The following SP3 variants were observed in gnomAD, a reference collection of about 807,000 sequenced individuals.
SP3 encodes transcription factor Sp3.
In SP3, 10 loss-of-function variants were observed where a neutral mutation model predicts 70.3. The observed-to-expected ratio is 0.14, with a 90% confidence interval of 0.09 to 0.24. The LOEUF (loss-of-function observed/expected upper bound fraction) is 0.24, where lower values mean the gene tolerates loss of function less well. SP3 is among the 10% of genes least tolerant of loss of function. The pLI, the probability that SP3 is intolerant of heterozygous loss-of-function variation, is 1.00. For missense variants in SP3, 825 were observed against 914.6 expected (o/e 0.90, Z 1.26); for synonymous variants, 402 against 333.5 (o/e 1.21, Z -2.24).
intron 4 of SP3, among the ~76,000 whole-genome samples, chr2:173,920,289 G>A (rs958048713): frequency 2.0e-5 from 3 of 152,200 alleles, no homozygotes; most frequent in South Asian, 2.1e-4. Flanking sequence ...GGGATGAATA[G>A]GCACAGCACA....
intron 4 of SP3, among the ~76,000 whole-genome samples, chr2:173,937,775 C>G (rs1381982939): frequency 6.6e-6 from 1 of 152,104 alleles, no homozygotes; most frequent in Admixed American, 6.5e-5. Context: ...GTACCCAACA[C>G]CCAAATTCCA....
intron 4 of SP3, among the ~76,000 whole-genome samples, chr2:173,921,587 T>C (rs1030710153): frequency 6.6e-6 from 1 of 152,282 alleles, no homozygotes; most frequent in South Asian, 2.1e-4. Flanking sequence ...TGGTGGCACA[T>C]GCCTTGTGGT....
chr2:173,942,263 C>CA (rs1364292200), intron 4 of SP3, among the ~76,000 whole-genome samples: 1 of 152,132 alleles, frequency 6.6e-6, no homozygotes, highest in Non-Finnish European at 1.5e-5. Context: ...ACAATGCAGT[C>CA]AAAAGTTGGG....
Position 173,963,293 on chromosome 2 carries a change from C to T in SP3, c.279+468G>A, listed in dbSNP as rs888778604. ...ACAAAAGGGTAATTCAAAGAATAAA[C>T]CCTCATTTTTTTTAATAATGTATGA... On this transcript the variant is annotated intron_variant, in intron 3 of 6. Transcript: ENST00000310015. The T allele has an allele frequency of 2.6e-5, 4 of 152,022 alleles. No homozygotes were observed. In the East Asian group the frequency reaches 7.7e-4, roughly 29 times the overall value. The allele number at this position is 152,022 out of a possible 1,614,324, so 9.4% of individuals were successfully genotyped here. A position where few individuals can be genotyped will look rare whatever the true frequency, so the allele number is the denominator to read the frequency against.
intron 4 of SP3, among the ~76,000 whole-genome samples, chr2:173,935,434 C>T (rs1380131398): frequency 2.0e-4 from 31 of 152,168 alleles, no homozygotes; most frequent in Non-Finnish European, 4.4e-5. Context: ...ACCAAACTAT[C>T]TGAGTGCAAA....
intron 4 of SP3, among the ~76,000 whole-genome samples, chr2:173,950,846 T>A (rs1194835082): frequency 6.6e-6 from 1 of 152,166 alleles, no homozygotes; most frequent in Non-Finnish European, 1.5e-5. Flanking sequence ...AAAGTTTATA[T>A]CCTCAAAATG....
chr2:173,953,793 A>AC (rs1690793271), intron 4 of SP3, among the ~76,000 whole-genome samples: 1 of 151,994 alleles, frequency 6.6e-6, no homozygotes, highest in African/African-American at 2.4e-5. Flanking sequence ...ACAAAAAAAA[A>AC]AACAACTACT....
chr2:173,956,351 T>C, intron 3 of SP3, 119 bp from the exon 4 acceptor site: 1 of 1,065,322 alleles, frequency 9.4e-7, no homozygotes, highest in Non-Finnish European at 1.3e-6. Context: ...TAAAACACAA[T>C]GGAGTTCAAA....
At chr2:173,964,684 C>CCGGCGGCGGCGG (rs1174348131) in intron 1 of SP3, 131 bp from the exon 2 acceptor site, 17 of 378,578 alleles carry the variant, frequency 4.5e-5, no homozygotes, top group African/African-American at 1.1e-4. Flanking sequence ...CACCCGCCCC[C>CCGGCGGCGGCGG]CGGCGGCGGC....
At chr2:173,961,336 T>C (rs995413016) in intron 3 of SP3, among the ~76,000 whole-genome samples, 7 of 152,200 alleles carry the variant, frequency 4.6e-5, no homozygotes, top group Non-Finnish European at 1.0e-4. Flanking sequence ...TTCAGCACAG[T>C]TGATTGGCTT....
At chr2:173,927,713 ATTAT>A (rs1030564306) in intron 4 of SP3, among the ~76,000 whole-genome samples, 2 of 152,212 alleles carry the variant, frequency 1.3e-5, no homozygotes, top group African/African-American at 4.8e-5. Flanking sequence ...GGAAAACAGT[ATTAT>A]TTACTATTTC....
At chr2:173,933,669 TATAA>T (rs932259143) in intron 4 of SP3, among the ~76,000 whole-genome samples, 18 of 140,954 alleles carry the variant, frequency 1.3e-4, no homozygotes, top group African/African-American at 4.3e-4. Context: ...TATATATATA[TATAA>T]AAGTTATAAA....
chr2:173,932,463 T>C (rs1045358305), intron 4 of SP3, among the ~76,000 whole-genome samples: 2 of 150,860 alleles, frequency 1.3e-5, no homozygotes, highest in African/African-American at 4.9e-5. Context: ...AGTGCTGGGA[T>C]TACAGGAGTG....
At chr2:173,944,258 G>A (rs1287455014) in intron 4 of SP3, among the ~76,000 whole-genome samples, 3 of 152,234 alleles carry the variant, frequency 2.0e-5, no homozygotes, top group Admixed American at 2.0e-4. Context: ...TGAAGGCCAG[G>A]CATGGTGGCT....
At position 173,903,373 on chromosome 2, in the gene SP3, G is replaced by C. The variant is rs2063702; in HGVS notation, c.*6568C>G. ...GTGAAAGGTCACATAGGTGGTAAGC[G>C]GCAGAACTGGGAGACAAGCAAGCCC... On this transcript the variant is annotated 3_prime_UTR_variant, in exon 7 of 7. Coordinates refer to ENST00000310015, the MANE Select transcript of SP3 (RefSeq NM_003111.5). Among the ~76,000 whole-genome samples the C allele has an allele frequency of 6.6e-6, 1 of 152,212 alleles. No homozygotes were observed. Among genetic ancestry groups the C allele is most frequent in the Non-Finnish European group, 1.5e-5 (1 of 68,056 alleles).
rs768558380 is a variant in SP3 at position 173,918,721 on chromosome 2, C to T, written c.1704G>A (p.Leu568=). The T allele has an allele frequency of 6.2e-7, 1 of 1,613,618 alleles. No individual in the cohort carries two copies. The highest frequency in any genetic ancestry group is 1.1e-5 in the South Asian group (1 of 91,046). Residue 568 remains leucine, a synonymous_variant, in exon 5 of 7, where the codon TTG becomes TTA. Coordinates refer to ENST00000310015, the MANE Select transcript of SP3 (RefSeq NM_003111.5). ...TTAAGTGTGTTAGGTCATTGGTATT[C>T]AAGGTAGAATCACCACTGAGCTGCC... ...EEWQLSGDST[L]NTNDLTHLRV...
chr2:173,964,385 G>C lies in SP3; in HGVS notation c.156+20C>G. On this transcript the variant is annotated intron_variant, in intron 2 of 6. Transcript: ENST00000310015. ...AGCGGCGCGAGGGGGGAGCCGGGCCGGGGTTCAGCCGCTCCTCACCTGGGC... is the reference window on the plus strand; with the variant it reads ...AGCGGCGCGAGGGGGGAGCCGGGCCCGGGTTCAGCCGCTCCTCACCTGGGC... 1.4e-6 allele frequency: 1 copy of C among 695,020 alleles called. No individual in the cohort carries two copies. Among genetic ancestry groups the C allele is most frequent in the Non-Finnish European group, 2.6e-6 (1 of 383,684 alleles). The allele number at this position is 695,020 out of a possible 1,614,324, so 43.1% of individuals were successfully genotyped here.
At chr2:173,963,930 G>A (rs1391684696) in intron 2 of SP3, 47 bp from the exon 3 acceptor site, 5 of 1,342,188 alleles carry the variant, frequency 3.7e-6, no homozygotes, top group African/African-American at 1.5e-5. Context: ...GGGAGGGGGT[G>A]GCGGTTAGGG....
chr2:173,930,654 TAA>T (rs1311948827), intron 4 of SP3, among the ~76,000 whole-genome samples: 1 of 152,232 alleles, frequency 6.6e-6, no homozygotes, highest in Non-Finnish European at 1.5e-5. Flanking sequence ...TACTGCACGT[TAA>T]GTTTTATATA....
Sources: allele counts gnomAD v4.1 joint callset (sites outside exome capture counted in the v4.1 genomes callset), GRCh38; gene constraint gnomAD v4.1.1; transcripts MANE v1.5; gene names NCBI Gene and HGNC (gene_info 2026-07-23, HGNC 2026-07-21).